Variants in SV2B observed in about 807,000 individuals in gnomAD.
SV2B encodes the protein synaptic vesicle glycoprotein 2B, also known as solute carrier family 22 member B2.
SV2B carries 41 observed loss-of-function variants against 73.9 expected under a neutral mutation model. That is an observed-to-expected ratio of 0.56 (90% CI 0.43 to 0.72). SV2B has a LOEUF of 0.72. SV2B is among the 30% of genes least tolerant of loss of function. The pLI is 0.00. For synonymous variants in SV2B, 314 were observed against 314.2 expected, an observed-to-expected ratio of 1.00 and a Z score of 0.01; for missense variants, 764 against 857.8, an observed-to-expected ratio of 0.89 and a Z score of 1.37.
At position 91,191,232 on chromosome 15, in the gene SV2B, A is replaced by T. The variant is rs188064891; in HGVS notation, c.-391-34641A>T. On this transcript the variant is annotated intron_variant, in intron 1 of 12. Coordinates refer to ENST00000394232, the MANE Select transcript of SV2B (RefSeq NM_001323032.3). ...AGGCACTGGCCACCACACCCAGCTA[A>T]TTTTTGTATTTTTAGTTTCAATTGA... is the stretch of plus-strand genomic sequence containing the variant. Among the ~76,000 whole-genome samples the T allele has an allele frequency of 5.5e-4, 83 of 151,502 alleles. 2 individuals carry two copies. In the South Asian group the frequency reaches 8.4e-3, roughly 15 times the overall value.
At chr15:91,244,601 G>T (rs1403418774) in intron 2 of SV2B, among the ~76,000 whole-genome samples, 2 of 152,200 alleles carry the variant, frequency 1.3e-5, no homozygotes, top group African/African-American at 4.8e-5. Flanking sequence ...ATTTCATAGG[G>T]TGTGCAGATG....
chr15:91,168,612 T>C (rs963200800), intron 1 of SV2B, among the ~76,000 whole-genome samples: 1 of 152,180 alleles, frequency 6.6e-6, no homozygotes, highest in African/African-American at 2.4e-5. Context: ...CTGTGCCTGC[T>C]GTGTAGTTCT....
At position 91,129,871 on chromosome 15, in the gene SV2B, A is replaced by G. The variant is rs2042590106; in HGVS notation, c.-392+29508A>G. Among the ~76,000 whole-genome samples the G allele has an allele frequency of 6.6e-6, 1 of 152,166 alleles. No individual in the cohort carries two copies. The highest frequency in any genetic ancestry group is 1.5e-5 in the Non-Finnish European group (1 of 68,050). ...TCTGTAAAAGAGAGACAAGAAGAGT[A>G]CTCATGCGGGGATCTCGGGAGGGTT... On this transcript the variant is annotated intron_variant, in intron 1 of 12. Transcript: ENST00000394232. The surrounding 1 kb of genome is among the most constrained non-coding windows in gnomAD (Gnocchi z 5.1).
intron 1 of SV2B, among the ~76,000 whole-genome samples, chr15:91,156,803 T>C (rs977443992): frequency 6.6e-6 from 1 of 152,248 alleles, no homozygotes; most frequent in Middle Eastern, 3.2e-3. Context: ...CAGGGTGCAG[T>C]ATCTTTGCAA....
chr15:91,219,697 G>A (rs2046153038), intron 1 of SV2B, among the ~76,000 whole-genome samples: 1 of 152,046 alleles, frequency 6.6e-6, no homozygotes, highest in Admixed American at 6.5e-5. Context: ...TCATAGAATT[G>A]TACAATCATC....
rs2047186763 is a variant in SV2B at position 91,245,484 on chromosome 15, G to A, written c.452-6335G>A. On this transcript the variant is annotated intron_variant, in intron 2 of 12. Transcript: ENST00000394232. This position sits in a 1 kb window ranked among gnomAD's most constrained non-coding sequence, Gnocchi z 4.2. ...AACAGCTGTCTCTGAGTGGTGGTAT[G>A]ATGAATAGATTATTGCTTTACCTTT... 6.6e-6 allele frequency among the ~76,000 whole-genome samples: 1 copy of A among 152,194 alleles called. No individual in the cohort carries two copies. Among genetic ancestry groups the A allele is most frequent in the Non-Finnish European group, 1.5e-5 (1 of 68,024 alleles).
At chr15:91,206,837 C>G (rs1164591575) in intron 1 of SV2B, among the ~76,000 whole-genome samples, 1 of 152,110 alleles carries the variant, frequency 6.6e-6, no homozygotes, top group African/African-American at 2.4e-5. Flanking sequence ...AATGTGTCCC[C>G]TGATCAACAG....
intron 2 of SV2B, among the ~76,000 whole-genome samples, chr15:91,249,679 A>ATT (rs2047404659): frequency 6.6e-6 from 1 of 152,236 alleles, no homozygotes; most frequent in Non-Finnish European, 1.5e-5. Context: ...ATGAAAGAGA[A>ATT]GGCATTACAA....
At position 91,169,089 on chromosome 15, in the gene SV2B, G is replaced by C. The variant is rs146251637; in HGVS notation, c.-391-56784G>C. ...CTGAGGTTACATTTGATGATGAGGAGGTTACTTTGTTTTTCTGCATATGAA... is the reference window on the plus strand; with the variant it reads ...CTGAGGTTACATTTGATGATGAGGACGTTACTTTGTTTTTCTGCATATGAA... On this transcript the variant is annotated intron_variant, in intron 1 of 12. Coordinates refer to ENST00000394232, the MANE Select transcript of SV2B (RefSeq NM_001323032.3). Among the ~76,000 whole-genome samples, 988 of 152,186 alleles carry C rather than the reference G, an allele frequency of 6.5e-3. 5 individuals are homozygous for C. Among genetic ancestry groups the C allele is most frequent in the Non-Finnish European group, 8.3e-3 (567 of 68,012 alleles).
intron 9 of SV2B, among the ~76,000 whole-genome samples, chr15:91,279,120 G>A: frequency 6.6e-6 from 1 of 152,178 alleles, no homozygotes; most frequent in East Asian, 1.9e-4. Flanking sequence ...TTCAGGGTGA[G>A]TCACCTCATA....
chr15:91,121,866 C>G lies in SV2B; in HGVS notation c.-392+21503C>G, dbSNP rs1373591729. Reference sequence around the variant, plus strand: ...CTCGGCTCACTGCAAGCTCTGCCTTCTGGGTTCACGCCATTCTCCTGCCTC... The same window carrying G: ...CTCGGCTCACTGCAAGCTCTGCCTTGTGGGTTCACGCCATTCTCCTGCCTC... On this transcript the variant is annotated intron_variant, in intron 1 of 12. Coordinates refer to ENST00000394232, the MANE Select transcript of SV2B (RefSeq NM_001323032.3). This position sits in a 1 kb window ranked among gnomAD's most constrained non-coding sequence, Gnocchi z 4.4. 6.6e-6 allele frequency among the ~76,000 whole-genome samples: 1 copy of G among 151,012 alleles called. No homozygotes were observed.
rs910609478 is a variant in SV2B at position 91,115,516 on chromosome 15, C to G, written c.-392+15153C>G. ...TCTCCTGAGTAGCTGGGACCACAGGCACCCACCATCATGCCTGGCTATTTT... is the reference window on the plus strand; with the variant it reads ...TCTCCTGAGTAGCTGGGACCACAGGGACCCACCATCATGCCTGGCTATTTT... On this transcript the variant is annotated intron_variant, in intron 1 of 12. Transcript: ENST00000394232. The surrounding 1 kb of genome is among the most constrained non-coding windows in gnomAD (Gnocchi z 4.3). Among the ~76,000 whole-genome samples the G allele has an allele frequency of 6.6e-5, 10 of 151,936 alleles. No individual in the cohort carries two copies. Among genetic ancestry groups the G allele is most frequent in the African/African-American group, 2.2e-4 (9 of 41,364 alleles).
At chr15:91,278,678 C>CAAAAAAAAAAAAAAAAAAAA (rs746732650) in intron 9 of SV2B, among the ~76,000 whole-genome samples, 1 of 42,456 alleles carries the variant, frequency 2.4e-5, no homozygotes, top group African/African-American at 1.3e-4. Context: ...GACTCCGTCT[C>CAAAAAAAAAAAAAAAAAAAA]AAAAAAAAAA....
intron 1 of SV2B, among the ~76,000 whole-genome samples, chr15:91,219,740 C>T (rs1445363052): frequency 1.3e-5 from 2 of 152,174 alleles, no homozygotes; most frequent in Non-Finnish European, 2.9e-5. Flanking sequence ...TTCCCATCAA[C>T]ACCCTCCCCA....
intron 1 of SV2B, among the ~76,000 whole-genome samples, chr15:91,114,046 T>G (rs1001628173): frequency 2.6e-5 from 4 of 151,968 alleles, no homozygotes; most frequent in African/African-American, 9.7e-5. Context: ...TTTTCCAAAC[T>G]TAAAGTGCCT....
In SV2B at chr15:91,232,711, C is replaced by T. The variant is rs563361275; in HGVS notation, c.451+5997C>T. On this transcript the variant is annotated intron_variant, in intron 2 of 12. Transcript: ENST00000394232. The surrounding 1 kb of genome is among the most constrained non-coding windows in gnomAD (Gnocchi z 4.7). Reference sequence around the variant, plus strand: ...GCAGTAGTTCCTTTTGAATTTTTCACGTTTAAAATATAATTTCAACTTCTA... The same window carrying T: ...GCAGTAGTTCCTTTTGAATTTTTCATGTTTAAAATATAATTTCAACTTCTA... Among the ~76,000 whole-genome samples the T allele has an allele frequency of 9.2e-5, 14 of 152,266 alleles. No homozygotes were observed. The highest frequency in any genetic ancestry group is 2.1e-4 in the South Asian group (1 of 4,828).
Position 91,268,735 on chromosome 15 carries a change from A to T in SV2B, c.1373+130A>T, listed in dbSNP as rs910145470. The T allele has an allele frequency of 2.4e-5, 30 of 1,226,294 alleles. No individual in the cohort carries two copies. Among genetic ancestry groups the T allele is most frequent in the Admixed American group, 1.6e-4 (6 of 38,570 alleles). 76.0% of individuals were successfully genotyped at this position (1,226,294 alleles called of 1,614,324 possible). ...GAGCGCCAAGGCTGGTGTCATCATCACAACCTGTCATGGCTGCCAGTGACG... is the reference window on the plus strand; with the variant it reads ...GAGCGCCAAGGCTGGTGTCATCATCTCAACCTGTCATGGCTGCCAGTGACG... On this transcript the variant is annotated intron_variant, in intron 9 of 12. Transcript: ENST00000394232. The surrounding 1 kb of genome is among the most constrained non-coding windows in gnomAD (Gnocchi z 4.4).
chr15:91,231,956 TTTCATAGCAGCTCAGAGATAGATA>T lies in SV2B; in HGVS notation c.451+5244_451+5267del, dbSNP rs2046592013. ...CATTAGAATAAATTGTGAGCTGAAT[TTTCATAGCAGCTCAGAGATAGATA>T]TATTACTCTGCTGTCGTGAAAGATT... On this transcript the variant is annotated intron_variant, in intron 2 of 12. Transcript: ENST00000394232. This position sits in a 1 kb window ranked among gnomAD's most constrained non-coding sequence, Gnocchi z 4.5. Among the ~76,000 whole-genome samples, 2 of 152,190 alleles carry T rather than the reference TTTCATAGCAGCTCAGAGATAGATA, an allele frequency of 1.3e-5. 1 individual carries two copies. Among genetic ancestry groups the T allele is most frequent in the South Asian group, 4.1e-4 (2 of 4,824 alleles).
Position 91,234,108 on chromosome 15 carries a change from T to G in SV2B, c.451+7394T>G, listed in dbSNP as rs1283533528. Among the ~76,000 whole-genome samples, 1 of 152,174 alleles carries G rather than the reference T, an allele frequency of 6.6e-6. No homozygotes were observed. The highest frequency in any genetic ancestry group is 1.5e-5 in the Non-Finnish European group (1 of 68,032). On this transcript the variant is annotated intron_variant, in intron 2 of 12. Coordinates refer to ENST00000394232, the MANE Select transcript of SV2B (RefSeq NM_001323032.3). This position sits in a 1 kb window ranked among gnomAD's most constrained non-coding sequence, Gnocchi z 5.6. ...TGGTTGGCTGAAATGTAGACCAAAATGTGGCCCATAGTAAATGAAGTCGAA... is the reference window on the plus strand; with the variant it reads ...TGGTTGGCTGAAATGTAGACCAAAAGGTGGCCCATAGTAAATGAAGTCGAA...
Sources: gnomAD v4.1 joint callset for allele counts (sites outside exome capture counted in the v4.1 genomes callset) on GRCh38, gnomAD v4.1.1 for gene constraint, Gnocchi (gnomAD v3.1) non-coding constraint, MANE v1.5 for transcripts, NCBI Gene and HGNC (gene_info 2026-07-23, HGNC 2026-07-21) for gene names.